Variants in ADCY2 observed in about 807,000 individuals in gnomAD.
ADCY2 encodes adenylate cyclase 2, also known as adenylate cyclase type 2.
In ADCY2, 31 loss-of-function variants were observed where a neutral mutation model predicts 125.2. That is an observed-to-expected ratio of 0.25 (90% CI 0.19 to 0.33). The LOEUF (loss-of-function observed/expected upper bound fraction) is 0.33. Among genes scored for constraint, ADCY2 ranks in the 10% least tolerant of loss-of-function variants. ADCY2 has a pLI of 1.00. For synonymous variants in ADCY2, 512 were observed against 548.4 expected (o/e 0.93, Z 0.93); for missense variants, 904 against 1,418.2 (o/e 0.64, Z 5.82).
At chr5:7,791,832 G>C (rs1426345116) in intron 20 of ADCY2, among the ~76,000 whole-genome samples, 1 of 152,090 alleles carries the variant, frequency 6.6e-6, no homozygotes, top group Non-Finnish European at 1.5e-5. Flanking sequence ...ATAGGATCCT[G>C]TTATCTCCAA....
At chr5:7,458,344 G>A (rs1741785413) in intron 2 of ADCY2, among the ~76,000 whole-genome samples, 2 of 152,244 alleles carry the variant, frequency 1.3e-5, no homozygotes, top group Admixed American at 6.5e-5. Context: ...CAGTTTTGTA[G>A]AGTAATGTAT....
chr5:7,677,723 G>A (rs1200072643), intron 4 of ADCY2, among the ~76,000 whole-genome samples: 1 of 152,166 alleles, frequency 6.6e-6, no homozygotes, highest in African/African-American at 2.4e-5. Context: ...AGCAAAACCA[G>A]GAGGACCCAG....
intron 3 of ADCY2, among the ~76,000 whole-genome samples, chr5:7,525,359 G>A (rs1005822573): frequency 5.3e-5 from 8 of 152,068 alleles, no homozygotes; most frequent in Admixed American, 1.3e-4. Flanking sequence ...TGCAGTGGGC[G>A]CCTCTTCAAG....
At chr5:7,412,967 CTTG>C (rs761707750) in intron 1 of ADCY2, among the ~76,000 whole-genome samples, 25 of 152,178 alleles carry the variant, frequency 1.6e-4, no homozygotes, top group Admixed American at 1.6e-3. Context: ...ATTTACCATT[CTTG>C]TTGTTCCTCT....
intron 22 of ADCY2, among the ~76,000 whole-genome samples, chr5:7,812,567 A>T (rs1189406259): frequency 1.3e-5 from 2 of 152,172 alleles, no homozygotes; most frequent in Non-Finnish European, 2.9e-5. Context: ...ATGCAGGCTG[A>T]ATGCATTGCT....
intron 14 of ADCY2, among the ~76,000 whole-genome samples, chr5:7,741,507 C>T (rs1025225262): frequency 7.3e-6 from 1 of 136,810 alleles, no homozygotes; most frequent in African/African-American, 2.7e-5. Context: ...ATCACCACCA[C>T]CACCATCACC....
intron 19 of ADCY2, among the ~76,000 whole-genome samples, chr5:7,787,382 C>G (rs1356183186): frequency 1.3e-5 from 2 of 152,186 alleles, no homozygotes; most frequent in Non-Finnish European, 2.9e-5. Context: ...AACCCTAGAT[C>G]CAGGATGATA....
intron 3 of ADCY2, among the ~76,000 whole-genome samples, chr5:7,609,398 T>A (rs1020800353): frequency 6.6e-6 from 1 of 152,256 alleles, no homozygotes; most frequent in South Asian, 2.1e-4. Context: ...CTCTACACTT[T>A]GAGCAGTTTG....
At chr5:7,444,111 C>CTTTTT (rs749823885) in intron 2 of ADCY2, among the ~76,000 whole-genome samples, 12 of 99,384 alleles carry the variant, frequency 1.2e-4, no homozygotes, top group Non-Finnish European at 2.5e-4. Flanking sequence ...GTTTTTATCT[C>CTTTTT]TTTTTTTTTT....
chr5:7,720,400 A>AT (rs1741720834), intron 12 of ADCY2, among the ~76,000 whole-genome samples: 2 of 152,166 alleles, frequency 1.3e-5, no homozygotes, highest in East Asian at 1.9e-4. Flanking sequence ...AGCAAGTCAC[A>AT]TTTTTTTATT....
rs1744699271 is a variant in ADCY2, at chr5:7,804,494, T to G, written c.2776-91T>G. On this transcript the variant is annotated intron_variant, in intron 21 of 24. Coordinates refer to ENST00000338316, the MANE Select transcript of ADCY2 (RefSeq NM_020546.3). ...TGGTTGAAACAAGTCACGGCATTAC[T>G]GTGAACCAGCATTTGAGAATGTCTC... is the stretch of plus-strand genomic sequence containing the variant. 5.0e-6 allele frequency: 5 copies of G among 1,006,816 alleles called. No homozygotes were observed. In the South Asian group the frequency reaches 6.7e-5, roughly 13 times the overall value. 62.4% of individuals were successfully genotyped at this position (1,006,816 alleles called of 1,614,324 possible). A position where few individuals can be genotyped will look rare whatever the true frequency, so the allele number is the denominator to read the frequency against.
intron 3 of ADCY2, among the ~76,000 whole-genome samples, chr5:7,579,718 T>C (rs1736366162): frequency 6.6e-6 from 1 of 152,014 alleles, no homozygotes; most frequent in Non-Finnish European, 1.5e-5. Flanking sequence ...AAAATTAAAA[T>C]AAATAATAGG....
intron 3 of ADCY2, among the ~76,000 whole-genome samples, chr5:7,589,510 G>GA (rs1554022218): frequency 1.1e-5 from 1 of 88,052 alleles, no homozygotes; most frequent in Non-Finnish European, 2.6e-5. Context: ...AAGAAAGAAA[G>GA]AAAAGAAAAG....
intron 20 of ADCY2, chr5:7,797,504 T>G (rs1744459651): frequency 6.6e-6 from 1 of 152,342 alleles, no homozygotes; most frequent in South Asian, 2.1e-4. Context: ...CCAACTAGAC[T>G]TCATGCTCCC....
chr5:7,800,718 A>C (rs1744566911), intron 20 of ADCY2: 1 of 152,204 alleles, frequency 6.6e-6, no homozygotes, highest in African/African-American at 2.4e-5. Flanking sequence ...CCTCAAGCAC[A>C]GGGACATCAG....
intron 3 of ADCY2, among the ~76,000 whole-genome samples, chr5:7,554,771 G>T (rs2126578693): frequency 6.6e-6 from 1 of 152,242 alleles, no homozygotes; most frequent in East Asian, 1.9e-4. Flanking sequence ...GTTCATGATA[G>T]ATTTCATAGG....
chr5:7,518,890 C>A (rs796280760), intron 2 of ADCY2, among the ~76,000 whole-genome samples: 16 of 152,264 alleles, frequency 1.1e-4, no homozygotes, highest in African/African-American at 3.8e-4. Flanking sequence ...GCCCTGAGGC[C>A]CCTGAGAGCT....
At chr5:7,517,182 T>C (rs1046876865) in intron 2 of ADCY2, among the ~76,000 whole-genome samples, 2 of 152,164 alleles carry the variant, frequency 1.3e-5, no homozygotes, top group Non-Finnish European at 2.9e-5. Flanking sequence ...GAAACTTTTA[T>C]TGGAATGAGT....
Position 7,459,772 on chromosome 5 carries a change from A to ATTTTTTTT in ADCY2, c.408+45028_408+45035dup, listed in dbSNP as rs3033085. Among the ~76,000 whole-genome samples the ATTTTTTTT allele has an allele frequency of 3.3e-3, 243 of 72,854 alleles. 20 individuals carry two copies. The highest frequency in any genetic ancestry group is 0.012 in the African/African-American group (199 of 16,342). The allele number at this position is 72,854 out of a possible 152,430, so 47.8% of individuals were successfully genotyped here. A position where few individuals can be genotyped will look rare whatever the true frequency, so the allele number is the denominator to read the frequency against. On this transcript the variant is annotated intron_variant, in intron 2 of 24. Transcript: ENST00000338316. ...GAACTATCTAGCAGTTTAAGAGGTA[A>ATTTTTTTT]TTTTTTTTTTTTTTTTTTTTTTTTT... is the stretch of plus-strand genomic sequence containing the variant.
Sources: gnomAD v4.1 joint callset for allele counts (sites outside exome capture counted in the v4.1 genomes callset) on GRCh38, gnomAD v4.1.1 for gene constraint, MANE v1.5 for transcripts, NCBI Gene and HGNC (gene_info 2026-07-23, HGNC 2026-07-21) for gene names.